Variants in TUSC3 observed in about 807,000 individuals in gnomAD.
TUSC3 encodes tumor suppressor candidate 3, also known as dolichyl-diphosphooligosaccharide--protein glycosyltransferase subunit TUSC3.
A neutral mutation model predicts 44.8 loss-of-function variants in TUSC3; 45 were observed. The observed-to-expected ratio is 1.00, with a 90% CI of 0.79 to 1.29. The LOEUF is 1.29. TUSC3 is among the 50% of genes most tolerant of loss of function. The pLI, the probability that TUSC3 is intolerant of heterozygous loss-of-function variation, is 0.00. For synonymous variants in TUSC3, 212 were observed against 152.9 expected (o/e 1.39, Z -2.85); for missense variants, 519 against 437.9 (o/e 1.19, Z -1.65).
At chr8:15,545,789 T>C (rs882696) in intron 1 of TUSC3, among the ~76,000 whole-genome samples, 124,419 of 151,538 alleles carry the variant, frequency 0.82, 51,972 homozygotes, top group Non-Finnish European at 0.87. Flanking sequence ...TTTTCATTAT[T>C]TCCCTCTTTA....
chr8:15,569,481 G>A (rs923354413), intron 1 of TUSC3, among the ~76,000 whole-genome samples: 8 of 152,148 alleles, frequency 5.3e-5, no homozygotes, highest in African/African-American at 1.9e-4. Context: ...GAATATATGT[G>A]TAATTATCCT....
intron 2 of TUSC3, among the ~76,000 whole-genome samples, chr8:15,631,667 GTTGT>G (rs964795644): frequency 3.5e-5 from 4 of 114,792 alleles, no homozygotes; most frequent in African/African-American, 1.4e-4. Flanking sequence ...GTTTAAGGCT[GTTGT>G]GTGTGTGTGT....
chr8:15,445,002 G>A (rs537363194), intron 1 of TUSC3, among the ~76,000 whole-genome samples: 9 of 152,294 alleles, frequency 5.9e-5, no homozygotes, highest in African/African-American at 2.2e-4. Flanking sequence ...CCTGTGCTAT[G>A]TCAGTTTAGG....
At chr8:15,595,266 A>C (rs1804018526) in intron 1 of TUSC3, among the ~76,000 whole-genome samples, 1 of 152,136 alleles carries the variant, frequency 6.6e-6, no homozygotes, top group Non-Finnish European at 1.5e-5. Context: ...ATCAGCACTC[A>C]GCTGAATATT....
At chr8:15,735,891 G>GTTTT (rs539526479) in intron 7 of TUSC3, among the ~76,000 whole-genome samples, 1 of 147,228 alleles carries the variant, frequency 6.8e-6, no homozygotes, top group African/African-American at 2.5e-5. Flanking sequence ...TTGTTTTTTT[G>GTTTT]GTTTTTTTTT....
At chr8:15,574,409 T>G (rs905980160) in intron 1 of TUSC3, among the ~76,000 whole-genome samples, 12 of 152,184 alleles carry the variant, frequency 7.9e-5, no homozygotes, top group Non-Finnish European at 1.5e-4. Context: ...ACATTCTTAT[T>G]ACATGTTTTG....
chr8:15,646,407 A>G (rs1042056713), intron 2 of TUSC3, among the ~76,000 whole-genome samples: 1 of 152,136 alleles, frequency 6.6e-6, no homozygotes, highest in Admixed American at 6.5e-5. Context: ...TGGACTTTAG[A>G]ATAGAGGCTA....
chr8:15,742,997 G>A (rs1269082731), intron 7 of TUSC3, among the ~76,000 whole-genome samples: 1 of 152,176 alleles, frequency 6.6e-6, no homozygotes, highest in Non-Finnish European at 1.5e-5. Flanking sequence ...GGTCCTGCTA[G>A]ATTCATTAAA....
chr8:15,802,628 A>G, the TUSC3 span, among the ~76,000 whole-genome samples: 1 of 151,788 alleles, frequency 6.6e-6, no homozygotes, highest in African/African-American at 2.4e-5. Flanking sequence ...GGGCATGGCT[A>G]TAATTCATCT....
At chr8:15,584,060 AAC>A (rs1803493384) in intron 1 of TUSC3, among the ~76,000 whole-genome samples, 1 of 151,232 alleles carries the variant, frequency 6.6e-6, no homozygotes, top group South Asian at 2.1e-4. Flanking sequence ...AGTGTAATCA[AAC>A]ACAGCAGCTT....
intron 1 of TUSC3, among the ~76,000 whole-genome samples, chr8:15,426,508 G>C (rs1284495924): frequency 6.6e-6 from 1 of 152,142 alleles, no homozygotes; most frequent in East Asian, 1.9e-4. Context: ...TTGTCCTTCT[G>C]TGACTGGCTT....
rs1403417448 is a variant in TUSC3, at chr8:15,530,077, G to A, written n.189+46594G>A. On this transcript the variant is annotated intron_variant and non_coding_transcript_variant, in intron 2 of 5. Transcript: ENST00000503191. ...TGGGATTACAGGCGTGAGCCACCGC[G>A]CCCGGCCGAAAAAGTTTTTTACACT... 3.7e-5 allele frequency among the ~76,000 whole-genome samples: 5 copies of A among 134,862 alleles called. 1 individual carries two copies. The East Asian group carries it at 1.2e-3, about 31-fold the overall frequency. The allele number at this position is 134,862 out of a possible 152,430, so 88.5% of individuals were successfully genotyped here.
At chr8:15,730,991 T>A (rs1014507824) in intron 7 of TUSC3, among the ~76,000 whole-genome samples, 2 of 152,112 alleles carry the variant, frequency 1.3e-5, no homozygotes, top group Non-Finnish European at 2.9e-5. Flanking sequence ...ACATTGATGA[T>A]CTCTGGCTAG....
intron 2 of TUSC3, among the ~76,000 whole-genome samples, chr8:15,648,082 C>T (rs1215960618): frequency 6.6e-6 from 1 of 152,090 alleles, no homozygotes; most frequent in East Asian, 1.9e-4. Flanking sequence ...TTCTCTGTTT[C>T]ACCTCTCCTC....
Position 15,757,827 on chromosome 8 carries a change from C to G in TUSC3, c.*18C>G, listed in dbSNP as rs1811995099. Reference sequence around the variant, plus strand: ...TTGAGTGAGAAGATGTGATTTGGACCATGGCACTTAAAAACTCTATAACCT... The same window carrying G: ...TTGAGTGAGAAGATGTGATTTGGACGATGGCACTTAAAAACTCTATAACCT... On this transcript the variant is annotated 3_prime_UTR_variant, in exon 10 of 11. Transcript: ENST00000503731. 7.2e-6 allele frequency: 10 copies of G among 1,394,168 alleles called. No homozygotes were observed. Among genetic ancestry groups the G allele is most frequent in the Non-Finnish European group, 1.0e-5 (10 of 979,736 alleles). The allele number at this position is 1,394,168 out of a possible 1,614,324, so 86.4% of individuals were successfully genotyped here.
chr8:15,503,367 C>T (rs779881799), intron 2 of TUSC3, among the ~76,000 whole-genome samples: 11 of 152,042 alleles, frequency 7.2e-5, no homozygotes, highest in Admixed American at 2.0e-4. Context: ...TGAGCCACCC[C>T]GTCTGTGGCA....
At chr8:15,846,763 A>C in the TUSC3 span, among the ~76,000 whole-genome samples, 1 of 151,992 alleles carries the variant, frequency 6.6e-6, no homozygotes, top group Non-Finnish European at 1.5e-5. Flanking sequence ...AGAATTACCT[A>C]ATGTAGATGA....
chr8:15,636,666 G>C (rs972416905), intron 2 of TUSC3, among the ~76,000 whole-genome samples: 1 of 152,182 alleles, frequency 6.6e-6, no homozygotes, highest in East Asian at 1.9e-4. Context: ...GTGGTTTGCT[G>C]AACATTTGCA....
chr8:15,825,826 T>C, the TUSC3 span, among the ~76,000 whole-genome samples: 2 of 151,986 alleles, frequency 1.3e-5, no homozygotes, highest in Non-Finnish European at 2.9e-5. Context: ...TTCTCTTAAC[T>C]GTATGGTAAT....
Sources: allele counts gnomAD v4.1 joint callset (sites outside exome capture counted in the v4.1 genomes callset), GRCh38; gene constraint gnomAD v4.1.1; transcripts MANE v1.5; gene names NCBI Gene and HGNC (gene_info 2026-07-23, HGNC 2026-07-21).